Variants in ANK1 observed in about 807,000 individuals in gnomAD.
ANK1 encodes ankyrin 1, also known as ankyrin-1.
A neutral mutation model predicts 210.4 loss-of-function variants in ANK1; 51 were observed. The ratio of observed to expected loss-of-function variants is 0.24; its 90% CI spans 0.19 to 0.31. ANK1 has a LOEUF of 0.31. Among genes scored for constraint, ANK1 ranks in the 10% least tolerant of loss-of-function variants. The pLI, the probability that ANK1 is intolerant of heterozygous loss-of-function variation, is 1.00. For missense variants in ANK1, 2,051 were observed against 2,504.4 expected (o/e 0.82, Z 3.86); for synonymous variants, 967 against 1,025.9 (o/e 0.94, Z 1.10).
chr8:41,826,777 A>G (rs1805462236), intron 1 of ANK1, among the ~76,000 whole-genome samples: 2 of 152,160 alleles, frequency 1.3e-5, no homozygotes. Context: ...ACCATGCATA[A>G]TATTTTGTAC....
chr8:41,723,785 A>T (rs989505882), intron 7 of ANK1, 152 bp from the exon 8 acceptor site: 15,924 of 468,294 alleles, frequency 0.034, 378 homozygotes, highest in Non-Finnish European at 0.041. Flanking sequence ...ATTTTTTTTT[A>T]TTTTTTATTT....
rs187284441 is a variant in ANK1 at position 41,758,839 on chromosome 8, G to A, written c.28-702C>T. ...CTGGCCCCAAGAATCATGAATGCAGGCACCAAAGGAACCAAGCGTGGGCTC... is the reference window on the plus strand; with the variant it reads ...CTGGCCCCAAGAATCATGAATGCAGACACCAAAGGAACCAAGCGTGGGCTC... On this transcript the variant is annotated intron_variant, in intron 1 of 42. Coordinates refer to ENST00000289734, the MANE Select transcript of ANK1 (RefSeq NM_000037.4). Among the ~76,000 whole-genome samples, 559 of 152,256 alleles carry A rather than the reference G, an allele frequency of 3.7e-3. 2 individuals are homozygous for A. The highest frequency in any genetic ancestry group is 0.012 in the African/African-American group (516 of 41,542).
chr8:41,817,971 C>T (rs993372377), intron 1 of ANK1, among the ~76,000 whole-genome samples: 22 of 152,356 alleles, frequency 1.4e-4, no homozygotes, highest in Admixed American at 9.1e-4. Context: ...TGGGCTGCAC[C>T]CATGTTTCTG....
At chr8:41,792,844 T>A (rs1486925273) in intron 1 of ANK1, among the ~76,000 whole-genome samples, 2 of 152,186 alleles carry the variant, frequency 1.3e-5, no homozygotes, top group African/African-American at 4.8e-5. Context: ...TGCTAAGCAG[T>A]CATCAACCAC....
chr8:41,822,121 A>G, intron 1 of ANK1, among the ~76,000 whole-genome samples: 2 of 27,996 alleles, frequency 7.1e-5, no homozygotes, highest in Admixed American at 7.7e-4. Flanking sequence ...AGAGAAAGAA[A>G]GAGAAAGAAA....
intron 1 of ANK1, among the ~76,000 whole-genome samples, chr8:41,895,808 G>GTCT (rs1820370449): frequency 6.6e-6 from 1 of 152,164 alleles, no homozygotes; most frequent in African/African-American, 2.4e-5. Context: ...GAAGGGTCAA[G>GTCT]GAAGGGCAGG....
intron 12 of ANK1, among the ~76,000 whole-genome samples, chr8:41,717,253 G>A (rs547466591): frequency 2.6e-5 from 4 of 152,236 alleles, no homozygotes; most frequent in Non-Finnish European, 4.4e-5. Flanking sequence ...GTGCACATAC[G>A]TGCAGGTGCA....
chr8:41,715,982 AAG>A (rs1459449811), intron 13 of ANK1, 133 bp from the exon 14 acceptor site: 3 of 1,024,642 alleles, frequency 2.9e-6, no homozygotes, highest in East Asian at 5.2e-5. Flanking sequence ...TAAGAAGATG[AAG>A]AGTCAGGATT....
chr8:41,766,643 T>C (rs1172008939), intron 1 of ANK1, among the ~76,000 whole-genome samples: 1 of 152,136 alleles, frequency 6.6e-6, no homozygotes, highest in Non-Finnish European at 1.5e-5. Flanking sequence ...GGGACGTCAC[T>C]GGGGAAGACC....
intron 36 of ANK1, among the ~76,000 whole-genome samples, chr8:41,684,930 C>CA (rs536251194): frequency 0.025 from 3,641 of 148,490 alleles, 67 homozygotes; most frequent in Non-Finnish European, 0.03. Flanking sequence ...TCTCTGTTAC[C>CA]AAAAAAAAAA....
At chr8:41,718,468 T>A (rs77250091) in intron 10 of ANK1, among the ~76,000 whole-genome samples, 2 of 152,330 alleles carry the variant, frequency 1.3e-5, no homozygotes, top group East Asian at 3.9e-4. Context: ...AAAAATTTAT[T>A]CATATTTTGG....
chr8:41,753,212 C>T (rs946626495), intron 2 of ANK1, among the ~76,000 whole-genome samples: 1 of 152,026 alleles, frequency 6.6e-6, no homozygotes, highest in African/African-American at 2.4e-5. Flanking sequence ...TTACAGGTGC[C>T]TGCCATCATG....
intron 1 of ANK1, among the ~76,000 whole-genome samples, chr8:41,832,088 C>T (rs1461542757): frequency 2.6e-5 from 4 of 152,114 alleles, no homozygotes; most frequent in Non-Finnish European, 5.9e-5. Flanking sequence ...TGTATCTTGA[C>T]CATAGTGATG....
chr8:41,844,646 C>T (rs565249313), intron 1 of ANK1, among the ~76,000 whole-genome samples: 1 of 152,354 alleles, frequency 6.6e-6, no homozygotes, highest in South Asian at 2.1e-4. Flanking sequence ...TGAGCCTAGG[C>T]TTCCACAGCT....
intron 1 of ANK1, among the ~76,000 whole-genome samples, chr8:41,856,451 T>C (rs1324357469): frequency 6.6e-6 from 1 of 152,216 alleles, no homozygotes; most frequent in Non-Finnish European, 1.5e-5. Flanking sequence ...TAGGAAAACC[T>C]GGATTCGAAT....
chr8:41,817,864 C>G (rs934888559), intron 1 of ANK1, among the ~76,000 whole-genome samples: 1 of 152,178 alleles, frequency 6.6e-6, no homozygotes, highest in African/African-American at 2.4e-5. Flanking sequence ...AGATGCAGCC[C>G]TTTCACAATC....
chr8:41,876,399 G>A (rs909901595), intron 1 of ANK1, among the ~76,000 whole-genome samples: 84 of 152,234 alleles, frequency 5.5e-4, no homozygotes, highest in Non-Finnish European at 2.4e-4. Context: ...ACCCGGAGAG[G>A]GGCTGACACT....
At chr8:41,734,247 C>T (rs2304868) in intron 2 of ANK1, among the ~76,000 whole-genome samples, 178 bp from the exon 3 acceptor site, 4,173 of 152,260 alleles carry the variant, frequency 0.027, 96 homozygotes, top group African/African-American at 0.062. Flanking sequence ...CTCCCCTTCA[C>T]GCCTCAGGTC....
In ANK1 at chr8:41,694,677, C is replaced by T. The variant is rs758897845; in HGVS notation, c.3242G>A (p.Gly1081Asp). Reference sequence around the variant, plus strand: ...GGGCACCAGCTTGCTCTTCAGGGAGCCCCCTTCGGGACCGATGGTGTCGTA... The same window carrying T: ...GGGCACCAGCTTGCTCTTCAGGGAGTCCCCTTCGGGACCGATGGTGTCGTA... ...QDYDTIGPEG[G>D]SLKSKLVPLV... Residue 1081 changes from glycine (G) to aspartate (D), a missense_variant, in exon 28 of 43, where the codon GGC becomes GAC. Gly to Asp is a moderately conservative substitution (Grantham distance 94, BLOSUM62 -1). Coordinates refer to ENST00000289734, the MANE Select transcript of ANK1 (RefSeq NM_000037.4). The surrounding 1 kb of genome is among the most constrained non-coding windows in gnomAD (Gnocchi z 5.7). The T allele has an allele frequency of 1.2e-6, 2 of 1,614,140 alleles. No individual in the cohort carries two copies. The highest frequency in any genetic ancestry group is 1.7e-6 in the Non-Finnish European group (2 of 1,180,018).
Sources: allele counts gnomAD v4.1 joint callset (sites outside exome capture counted in the v4.1 genomes callset), GRCh38; gene constraint gnomAD v4.1.1; non-coding constraint Gnocchi (gnomAD v3.1); transcripts MANE v1.5; gene names NCBI Gene and HGNC (gene_info 2026-07-23, HGNC 2026-07-21).